The following RNF6 variants were observed in gnomAD, a reference collection of about 807,000 sequenced individuals.
RNF6 encodes the protein ring finger protein 6, also known as E3 ubiquitin-protein ligase RNF6.
Under a neutral mutation model 50.1 loss-of-function variants are expected in RNF6, and 21 were observed. That is an observed-to-expected ratio of 0.42 (90% CI 0.30 to 0.60). RNF6 has a LOEUF of 0.60. Ranked by LOEUF, RNF6 falls within the 20% of genes least tolerant of loss-of-function variation. RNF6 has a pLI of 0.20. For missense variants in RNF6, 698 were observed against 838.2 expected, an observed-to-expected ratio of 0.83 and a Z score of 2.07; for synonymous variants, 255 against 291.8, an observed-to-expected ratio of 0.87 and a Z score of 1.29.
At chr13:26,219,349 T>C in intron 3 of RNF6, 108 bp downstream of exon 3, 1 of 948,284 alleles carries the variant, frequency 1.1e-6, no homozygotes, top group East Asian at 2.6e-5. Context: ...CAATATACTA[T>C]ATTTTCATAA....
Position 26,219,515 on chromosome 13 carries a change from A to G in RNF6, c.135T>C (p.Asn45=). The change falls in exon 3 of 5, where the codon AAT becomes AAC. Residue 45 remains asparagine, a synonymous_variant. Transcript: ENST00000381588. The part of the protein sequence containing the change: ...HREEAYYQFI[N]ELNDEDYRLM... ...GCCGATAATCTTCATCATTGAGTTC[A>G]TTAATAAACTGATAATAGGCCTCTT... 1 of 1,613,922 alleles carries G rather than the reference A, an allele frequency of 6.2e-7. No individual in the cohort carries two copies. Among genetic ancestry groups the G allele is most frequent in the South Asian group, 1.1e-5 (1 of 91,056 alleles).
At chr13:26,221,802 A>G (rs1870536477) in intron 1 of RNF6, 1 of 152,252 alleles carries the variant, frequency 6.6e-6, no homozygotes, top group Non-Finnish European at 1.5e-5. Context: ...CCGAGCCTCA[A>G]GTAACGCTTC....
At chr13:26,153,059 A>G (rs1871706963) in intron 5 of RNF6, among the ~76,000 whole-genome samples, 1 of 151,876 alleles carries the variant, frequency 6.6e-6, no homozygotes. Context: ...AGGCTGAGGC[A>G]GGAGAATTGC....
At chr13:26,189,400 AATAAC>A (rs1473843501) in intron 5 of RNF6, among the ~76,000 whole-genome samples, 2 of 152,184 alleles carry the variant, frequency 1.3e-5, no homozygotes, top group Non-Finnish European at 2.9e-5. Flanking sequence ...CTCTAAATCA[AATAAC>A]AGGCTTAGTG....
chr13:26,218,422 A>C (rs919993303), intron 4 of RNF6, 89 bp downstream of exon 4: 2 of 982,976 alleles, frequency 2.0e-6, no homozygotes, highest in Middle Eastern at 4.2e-4. Context: ...GAAAAAATTG[A>C]AGACAAACAT....
intron 2 of RNF6, 139 bp from the exon 3 acceptor site, chr13:26,219,806 G>A: frequency 1.5e-6 from 1 of 675,994 alleles, no homozygotes; most frequent in Admixed American, 2.9e-5. Flanking sequence ...CTTGCAGTGA[G>A]AAGCTTACAT....
In RNF6 at chr13:26,153,024, T is replaced by A. The variant is rs563960333; in HGVS notation, n.769-20573A>T. Reference sequence around the variant, plus strand: ...AAAAATGCGCCGGGTGTGGTGGCACTCGCCTGTAGTCCCGGCTACTTACGA... The same window carrying A: ...AAAAATGCGCCGGGTGTGGTGGCACACGCCTGTAGTCCCGGCTACTTACGA... On this transcript the variant is annotated intron_variant and non_coding_transcript_variant, in intron 5 of 5. Coordinates refer to the RNF6 transcript ENST00000468480. Among the ~76,000 whole-genome samples the A allele has an allele frequency of 1.3e-3, 193 of 152,002 alleles. 2 individuals are homozygous for A. Among genetic ancestry groups the A allele is most frequent in the African/African-American group, 4.5e-3 (187 of 41,502 alleles).
At chr13:26,135,398 G>A (rs889305291) in intron 5 of RNF6, 1 of 151,918 alleles carries the variant, frequency 6.6e-6, no homozygotes, top group African/African-American at 2.4e-5. Context: ...TTAATATCTG[G>A]TGAGGATAAA....
At chr13:26,147,907 A>G (rs556240474) in intron 5 of RNF6, among the ~76,000 whole-genome samples, 17 of 152,306 alleles carry the variant, frequency 1.1e-4, no homozygotes, top group Non-Finnish European at 2.1e-4. Flanking sequence ...CATTAGGACA[A>G]CATGTCAACC....
intron 5 of RNF6, among the ~76,000 whole-genome samples, chr13:26,197,967 G>GA (rs1868737197): frequency 5.3e-5 from 8 of 151,518 alleles, no homozygotes; most frequent in Admixed American, 3.9e-4. Context: ...GTAGGTGAAA[G>GA]AGGAAATCAT....
At chr13:26,160,528 TTCTTCTC>T (rs745536816) in intron 5 of RNF6, among the ~76,000 whole-genome samples, 1 of 88,608 alleles carries the variant, frequency 1.1e-5, no homozygotes, top group African/African-American at 3.6e-5. Flanking sequence ...CCAGCCTATC[TTCTTCTC>T]TTCTTCTTCT....
chr13:26,193,587 T>C (rs1045073255), intron 5 of RNF6, among the ~76,000 whole-genome samples: 3 of 152,162 alleles, frequency 2.0e-5, no homozygotes, highest in African/African-American at 2.4e-5. Flanking sequence ...GTTGGAAATA[T>C]GGAATGTAGA....
rs1873401186 is a variant in RNF6, at chr13:26,184,150, C to T, written n.768+31324G>A. On this transcript the variant is annotated intron_variant and non_coding_transcript_variant, in intron 5 of 5. Coordinates refer to the RNF6 transcript ENST00000468480. Reference sequence around the variant, plus strand: ...TCACGCCATTCTCCTGCCTCAGCCTCCCGAGTAGCTGGGGCTACAGGTGCC... The same window carrying T: ...TCACGCCATTCTCCTGCCTCAGCCTTCCGAGTAGCTGGGGCTACAGGTGCC... Among the ~76,000 whole-genome samples the T allele has an allele frequency of 1.3e-5, 2 of 150,266 alleles. 1 individual carries two copies. The highest frequency in any genetic ancestry group is 3.0e-5 in the Non-Finnish European group (2 of 67,680).
intron 5 of RNF6, among the ~76,000 whole-genome samples, chr13:26,162,187 G>A (rs762154560): frequency 2.0e-5 from 3 of 151,976 alleles, no homozygotes; most frequent in Non-Finnish European, 4.4e-5. Context: ...TCCTCTATCT[G>A]GCTTGTGCAC....
intron 5 of RNF6, among the ~76,000 whole-genome samples, chr13:26,189,258 G>C (rs1873706908): frequency 6.6e-6 from 1 of 152,066 alleles, no homozygotes; most frequent in Non-Finnish European, 1.5e-5. Context: ...AACCCGGGAG[G>C]CGGAGGTTGC....
rs1449157249 is a variant in RNF6 at position 26,199,025 on chromosome 13, T to G, written n.768+16449A>C. Among the ~76,000 whole-genome samples, 12 of 151,820 alleles carry G rather than the reference T, an allele frequency of 7.9e-5. 1 individual carries two copies. The highest frequency in any genetic ancestry group is 5.9e-4 in the Admixed American group (9 of 15,250). ...ATACCATATTGATAGGTTAGAAGATTCAATATTGTTAAGATATCAGTTCAC... is the reference window on the plus strand; with the variant it reads ...ATACCATATTGATAGGTTAGAAGATGCAATATTGTTAAGATATCAGTTCAC... On this transcript the variant is annotated intron_variant and non_coding_transcript_variant, in intron 5 of 5. Transcript: ENST00000468480.
At chr13:26,173,777 C>G (rs1242917859) in intron 5 of RNF6, among the ~76,000 whole-genome samples, 1 of 151,604 alleles carries the variant, frequency 6.6e-6, no homozygotes, top group Non-Finnish European at 1.5e-5. Context: ...ATGGTGAAAC[C>G]CCGGCTCTAC....
intron 5 of RNF6, among the ~76,000 whole-genome samples, chr13:26,207,039 C>T (rs551111991): frequency 6.6e-6 from 1 of 152,000 alleles, no homozygotes; most frequent in Non-Finnish European, 1.5e-5. Flanking sequence ...TTCATGGGAC[C>T]TTGAAAGTAT....
At position 26,214,382 on chromosome 13, in the gene RNF6, G is replaced by C; in HGVS notation, c.1500C>G (p.Ala500=). The change falls in exon 5 of 5, where the codon GCC becomes GCG. Residue 500 remains alanine, a synonymous_variant. Coordinates refer to ENST00000381588, the MANE Select transcript of RNF6 (RefSeq NM_005977.4). ...GFGELSSLME[A]DSESELQRNG... ...TTCTTTGAAGTTCTGACTCAGAATC[G>C]GCCTCCATTAGAGAACTCAGTTCTC... 1.2e-6 allele frequency: 2 copies of C among 1,614,008 alleles called. No individual in the cohort carries two copies. The highest frequency in any genetic ancestry group is 1.7e-6 in the Non-Finnish European group (2 of 1,180,024).
Sources: allele counts gnomAD v4.1 joint callset (sites outside exome capture counted in the v4.1 genomes callset), GRCh38; gene constraint gnomAD v4.1.1; transcripts MANE v1.5; gene names NCBI Gene and HGNC (gene_info 2026-07-23, HGNC 2026-07-21).